The following SLCO4C1 variants were observed in gnomAD, a reference collection of about 807,000 sequenced individuals.
SLCO4C1 encodes solute carrier organic anion transporter family member 4C1, also known as organic anion transporter M1.
A neutral mutation model predicts 72.1 loss-of-function variants in SLCO4C1; 58 were observed. The observed-to-expected ratio is 0.80, with a 90% CI of 0.65 to 1.00. The LOEUF (loss-of-function observed/expected upper bound fraction) is 1.00, where lower values mean the gene tolerates loss of function less well. Ranked by LOEUF, SLCO4C1 falls within the 50% of genes least tolerant of loss-of-function variation. SLCO4C1 has a pLI of 0.00. For synonymous variants in SLCO4C1, 297 were observed against 312.5 expected (o/e 0.95, Z 0.52); for missense variants, 898 against 857.9 (o/e 1.05, Z -0.58).
At position 102,293,930 on chromosome 5, in the gene SLCO4C1, A is replaced by G. The variant is rs1431460252; in HGVS notation, c.355+1978T>C. Among the ~76,000 whole-genome samples, 3 of 151,764 alleles carry G rather than the reference A, an allele frequency of 2.0e-5. No homozygotes were observed. The East Asian group carries it at 5.9e-4, about 30-fold the overall frequency. On this transcript the variant is annotated intron_variant, in intron 1 of 12. Transcript: ENST00000310954. ...TTGTGGTGTTTTGTTTTGTTTTGAG[A>G]CAGAGTTTCCCTCTGTTGCCTAGGC...
chr5:102,254,549 T>C (rs1286393627), intron 8 of SLCO4C1, among the ~76,000 whole-genome samples: 3 of 152,176 alleles, frequency 2.0e-5, no homozygotes, highest in Non-Finnish European at 2.9e-5. Context: ...ATTATTGTCT[T>C]ATTTTAAGAA....
Position 102,236,685 on chromosome 5 carries a change from G to A in SLCO4C1, c.*173C>T, listed in dbSNP as rs954357822. 1 of 653,576 alleles carries A rather than the reference G, an allele frequency of 1.5e-6. No homozygotes were observed. The highest frequency in any genetic ancestry group is 1.9e-5 in the African/African-American group (1 of 53,730). 40.5% of individuals were successfully genotyped at this position (653,576 alleles called of 1,614,324 possible). ...ACGTGGGCTTTGAAGGCACAGGTCT[G>A]TTTCTTGCATAAAACAAAAACTACA... On this transcript the variant is annotated 3_prime_UTR_variant, in exon 13 of 13. Transcript: ENST00000310954.
At chr5:102,261,824 A>T in intron 5 of SLCO4C1, 88 bp downstream of exon 5, 1 of 1,295,674 alleles carries the variant, frequency 7.7e-7, no homozygotes. Flanking sequence ...AAACAGGGTG[A>T]ATCTATAGTT....
chr5:102,240,219 T>C (rs991358450), intron 11 of SLCO4C1, among the ~76,000 whole-genome samples: 2 of 152,144 alleles, frequency 1.3e-5, no homozygotes. Context: ...CTTTAATAAA[T>C]AATCTTAATA....
Position 102,247,185 on chromosome 5 carries a change from C to T in SLCO4C1, c.1811+67G>A, listed in dbSNP as rs570802034. The T allele has an allele frequency of 1.8e-4, 227 of 1,251,380 alleles. No homozygotes were observed. In the South Asian group the frequency reaches 3.8e-3, roughly 21 times the overall value. The allele number at this position is 1,251,380 out of a possible 1,614,324, so 77.5% of individuals were successfully genotyped here. On this transcript the variant is annotated intron_variant, in intron 10 of 12. Coordinates refer to ENST00000310954, the MANE Select transcript of SLCO4C1 (RefSeq NM_180991.5). ...GGTCAATATGAACCCCAAATGAACCCCGAGTCCATTTGTTTTCCATCAACA... is the reference window on the plus strand; with the variant it reads ...GGTCAATATGAACCCCAAATGAACCTCGAGTCCATTTGTTTTCCATCAACA...
intron 12 of SLCO4C1, among the ~76,000 whole-genome samples, chr5:102,238,539 C>G (rs1057461488): frequency 1.3e-5 from 2 of 152,174 alleles, no homozygotes; most frequent in African/African-American, 4.8e-5. Context: ...AATAGCCTAT[C>G]TTGATCAACC....
intron 2 of SLCO4C1, among the ~76,000 whole-genome samples, chr5:102,289,450 T>C (rs709372): frequency 0.36 from 54,546 of 152,088 alleles, 10,071 homozygotes; most frequent in East Asian, 0.54. Context: ...GAGCAAGGTT[T>C]GTTTACTTAA....
intron 5 of SLCO4C1, 85 bp from the exon 6 acceptor site, chr5:102,260,404 G>C (rs958965642): frequency 3.8e-6 from 1 of 263,780 alleles, no homozygotes; most frequent in African/African-American, 2.4e-5. Context: ...TATATAATAA[G>C]TAAACGTGCT....
chr5:102,273,086 C>G (rs962418487), intron 2 of SLCO4C1, among the ~76,000 whole-genome samples: 3 of 151,748 alleles, frequency 2.0e-5, no homozygotes, highest in Non-Finnish European at 4.4e-5. Context: ...GGAGGTCACC[C>G]TGGAATGGTC....
intron 5 of SLCO4C1, among the ~76,000 whole-genome samples, chr5:102,260,863 G>A (rs1245760495): frequency 6.6e-6 from 1 of 151,954 alleles, no homozygotes; most frequent in Non-Finnish European, 1.5e-5. Flanking sequence ...TTAACATATG[G>A]AACTATAAAT....
intron 12 of SLCO4C1, among the ~76,000 whole-genome samples, chr5:102,237,253 T>C (rs938990534): frequency 6.6e-6 from 1 of 152,200 alleles, no homozygotes; most frequent in African/African-American, 2.4e-5. Context: ...AATTAACTTA[T>C]TCTTGGTTAT....
Position 102,249,649 on chromosome 5 carries a change from T to G in SLCO4C1, c.1609A>C (p.Arg537=), listed in dbSNP as rs1167766065. Residue 537 remains arginine, a synonymous_variant, in exon 9 of 13, where the codon AGG becomes CGG. Coordinates refer to ENST00000310954, the MANE Select transcript of SLCO4C1 (RefSeq NM_180991.5). The part of the protein sequence containing the change: ...FAGCSNPVAH[R]KPKVYYNCSC... ...GAGACATAAGCTACCTTTGGCTTCC[T>G]GTGTGCAACTGGGTTTGAACAGCCT... 1.8e-5 allele frequency: 29 copies of G among 1,613,532 alleles called. No individual in the cohort carries two copies. The highest frequency in any genetic ancestry group is 2.4e-5 in the Non-Finnish European group (28 of 1,179,866).
In SLCO4C1 at chr5:102,235,475, C is replaced by G. The variant is rs906916489; in HGVS notation, c.*1383G>C. ...CCCTCCATATTCTCAGCAAAGTTGG[C>G]ATAAATCTGACCTGAATAAACAGGG... is the stretch of plus-strand genomic sequence containing the variant. On this transcript the variant is annotated 3_prime_UTR_variant, in exon 13 of 13. Transcript: ENST00000310954. 4 of 152,194 alleles carry G rather than the reference C, an allele frequency of 2.6e-5. No individual in the cohort carries two copies. Among genetic ancestry groups the G allele is most frequent in the African/African-American group, 9.6e-5 (4 of 41,458 alleles). 9.4% of individuals were successfully genotyped at this position (152,194 alleles called of 1,614,324 possible).
At chr5:102,243,501 G>A (rs538645025) in intron 10 of SLCO4C1, among the ~76,000 whole-genome samples, 2 of 152,200 alleles carry the variant, frequency 1.3e-5, no homozygotes, top group African/African-American at 4.8e-5. Context: ...TCAGAACAGA[G>A]GGAGAGAGAC....
rs193166369 is a variant in SLCO4C1, at chr5:102,270,495, G to T, written c.802+129C>A. 6.9e-5 allele frequency: 42 copies of T among 610,922 alleles called. No individual in the cohort carries two copies. The Admixed American group carries it at 1.1e-3, about 16-fold the overall frequency. 37.8% of individuals were successfully genotyped at this position (610,922 alleles called of 1,614,324 possible). A position where few individuals can be genotyped will look rare whatever the true frequency, so the allele number is the denominator to read the frequency against. On this transcript the variant is annotated intron_variant, in intron 3 of 12. Transcript: ENST00000310954. ...CAGGAAATAAAACAAAAGTAATACT[G>T]CATTTATTTATTGGGAAAACCTATG...
At position 102,236,189 on chromosome 5, in the gene SLCO4C1, C is replaced by T. The variant is rs541290440; in HGVS notation, c.*669G>A. ...GAGTTAAAGTGAAAATATGTGTATA[C>T]AATGCTGATGTTTCTGTATTCACTA... On this transcript the variant is annotated 3_prime_UTR_variant, in exon 13 of 13. Transcript: ENST00000310954. 3.3e-5 allele frequency: 5 copies of T among 152,228 alleles called. No homozygotes were observed. The highest frequency in any genetic ancestry group is 1.2e-4 in the African/African-American group (5 of 41,536). The allele number at this position is 152,228 out of a possible 1,614,324, so 9.4% of individuals were successfully genotyped here. A position where few individuals can be genotyped will look rare whatever the true frequency, so the allele number is the denominator to read the frequency against.
chr5:102,238,347 A>G (rs1356293555), intron 12 of SLCO4C1, among the ~76,000 whole-genome samples: 2 of 152,152 alleles, frequency 1.3e-5, no homozygotes, highest in African/African-American at 4.8e-5. Flanking sequence ...TTAAAAATTG[A>G]ATAAAAAATG....
At chr5:102,250,431 T>G (rs1469746949) in intron 8 of SLCO4C1, among the ~76,000 whole-genome samples, 2 of 152,190 alleles carry the variant, frequency 1.3e-5, no homozygotes, top group African/African-American at 2.4e-5. Context: ...CTCATTTATT[T>G]ATTCATTCAA....
At chr5:102,261,795 A>G in intron 5 of SLCO4C1, 117 bp downstream of exon 5, 1 of 1,034,208 alleles carries the variant, frequency 9.7e-7, no homozygotes, top group East Asian at 2.9e-5. Flanking sequence ...ATAGGCAGAC[A>G]GTTGAGATTC....
Sources: gnomAD v4.1 joint callset for allele counts (sites outside exome capture counted in the v4.1 genomes callset) on GRCh38, gnomAD v4.1.1 for gene constraint, MANE v1.5 for transcripts, NCBI Gene and HGNC (gene_info 2026-07-23, HGNC 2026-07-21) for gene names.